The following ANO6 variants were observed in gnomAD, a reference collection of about 807,000 sequenced individuals.
The protein encoded by ANO6 is anoctamin 6.
Under a neutral mutation model 117.5 loss-of-function variants are expected in ANO6, and 106 were observed. The ratio of observed to expected loss-of-function variants is 0.90; its 90% confidence interval spans 0.77 to 1.06. The LOEUF is 1.06. ANO6 is among the 50% of genes least tolerant of loss of function. The probability of loss-of-function intolerance (pLI) is 0.00; values close to 1 mark genes in which losing one functional copy is unlikely to be tolerated. For missense variants in ANO6, 955 were observed against 1,121.1 expected (o/e 0.85, Z 2.12); for synonymous variants, 367 against 385.1 (o/e 0.95, Z 0.55).
chr12:45,360,779 G>C (rs997841788), intron 8 of ANO6, among the ~76,000 whole-genome samples: 4 of 152,130 alleles, frequency 2.6e-5, no homozygotes, highest in Admixed American at 2.6e-4. Flanking sequence ...TAAATGGTAT[G>C]AGATAGGGTC....
chr12:45,216,119 CGA>C lies in ANO6; in HGVS notation c.-199_-198del, dbSNP rs1947304576. Reference sequence around the variant, plus strand: ...CAGTCTCCGGGCTCCGCTCGGCAGGCGAGAGGCGTCCTCCGGCTCTGGGCTCC... The same window carrying C: ...CAGTCTCCGGGCTCCGCTCGGCAGGCGAGGCGTCCTCCGGCTCTGGGCTCC... On this transcript the variant is annotated 5_prime_UTR_variant, in exon 1 of 20. Transcript: ENST00000320560. 2 of 588,696 alleles carry C rather than the reference CGA, an allele frequency of 3.4e-6. No homozygotes were observed. Among genetic ancestry groups the C allele is most frequent in the Non-Finnish European group, 6.0e-6 (2 of 335,136 alleles). 36.5% of individuals were successfully genotyped at this position (588,696 alleles called of 1,614,324 possible).
chr12:45,403,926 A>G (rs1349114384), intron 15 of ANO6, among the ~76,000 whole-genome samples: 1 of 152,134 alleles, frequency 6.6e-6, no homozygotes, highest in Non-Finnish European at 1.5e-5. Flanking sequence ...TTATGCATTT[A>G]AAAGTCAGTA....
intron 19 of ANO6, among the ~76,000 whole-genome samples, chr12:45,426,707 C>T (rs1045481755): frequency 1.3e-5 from 2 of 152,098 alleles, no homozygotes; most frequent in Non-Finnish European, 1.5e-5. Context: ...CGCTTTCCTC[C>T]TGCGTCCCTG....
chr12:45,261,075 C>CT, intron 1 of ANO6, among the ~76,000 whole-genome samples: 1 of 152,148 alleles, frequency 6.6e-6, no homozygotes, highest in Admixed American at 6.5e-5. Context: ...CAGCCTTGGC[C>CT]TCCCCAAATG....
At chr12:45,406,628 C>T (rs200716823) in intron 15 of ANO6, among the ~76,000 whole-genome samples, 2 of 152,082 alleles carry the variant, frequency 1.3e-5, no homozygotes, top group East Asian at 3.9e-4. Flanking sequence ...GAGAAAATGT[C>T]CCTTCTCAGG....
chr12:45,283,613 T>C (rs1450199317), intron 1 of ANO6, among the ~76,000 whole-genome samples: 1 of 152,230 alleles, frequency 6.6e-6, no homozygotes, highest in Non-Finnish European at 1.5e-5. Flanking sequence ...TTTTTTCTAC[T>C]CTGTCTACAT....
intron 1 of ANO6, among the ~76,000 whole-genome samples, chr12:45,227,953 CT>C (rs781311199): frequency 3.4e-4 from 51 of 152,200 alleles, no homozygotes; most frequent in Non-Finnish European, 6.0e-4. Flanking sequence ...TGACAATATT[CT>C]GTTGATGCCA....
intron 17 of ANO6, among the ~76,000 whole-genome samples, chr12:45,420,001 CAGACT>C (rs1943316470): frequency 1.3e-5 from 2 of 151,130 alleles, no homozygotes; most frequent in African/African-American, 2.4e-5. Context: ...GATACTAGAT[CAGACT>C]AAACAGACAT....
rs1941208718 is a variant in ANO6, at chr12:45,348,760, C to T, written c.747+129C>T. ...ATGAAGGGAACATACTGCAAGATTA[C>T]AAGCTCATTTAGGGTAAGAACTAGG... On this transcript the variant is annotated intron_variant, in intron 6 of 19. Transcript: ENST00000320560. 5.3e-6 allele frequency: 4 copies of T among 753,876 alleles called. No homozygotes were observed. The South Asian group carries it at 5.9e-5, about 11-fold the overall frequency. 46.7% of individuals were successfully genotyped at this position (753,876 alleles called of 1,614,324 possible).
intron 1 of ANO6, among the ~76,000 whole-genome samples, chr12:45,284,035 A>G (rs934868177): frequency 6.6e-6 from 1 of 152,258 alleles, no homozygotes; most frequent in Non-Finnish European, 1.5e-5. Context: ...TTATTTGATC[A>G]TAGTTTTAGA....
At chr12:45,409,798 C>G (rs749816230) in intron 16 of ANO6, among the ~76,000 whole-genome samples, 6 of 152,094 alleles carry the variant, frequency 3.9e-5, no homozygotes, top group Non-Finnish European at 8.8e-5. Context: ...CTCTGTAGCC[C>G]AGGCTGGAGT....
Position 45,416,857 on chromosome 12 carries a change from T to C in ANO6, c.2170T>C (p.Trp724Arg). The change falls in exon 17 of 20, where the codon TGG becomes CGG. Residue 724 changes from tryptophan to arginine, a missense_variant. Physicochemically the swap from Trp to Arg is moderately radical, Grantham distance 101. Coordinates refer to ENST00000320560, the MANE Select transcript of ANO6 (RefSeq NM_001025356.3). ...AGAGAAAGCCCAAGACATTGGAGCATGGCAGCCCATCATGCAAGGAATAGC... is the reference window on the plus strand; with the variant it reads ...AGAGAAAGCCCAAGACATTGGAGCACGGCAGCCCATCATGCAAGGAATAGC... Reference protein sequence around the residue: ...VPEKAQDIGAWQPIMQGIAIL... With the variant: ...VPEKAQDIGARQPIMQGIAIL... The C allele has an allele frequency of 6.2e-7, 1 of 1,614,158 alleles. No individual in the cohort carries two copies. The highest frequency in any genetic ancestry group is 8.5e-7 in the Non-Finnish European group (1 of 1,180,008).
intron 1 of ANO6, among the ~76,000 whole-genome samples, chr12:45,231,300 TACTC>T (rs1014366952): frequency 4.6e-5 from 7 of 152,328 alleles, no homozygotes; most frequent in African/African-American, 1.4e-4. Context: ...AAAAATGAAA[TACTC>T]TCTATCTAAT....
rs369239470 is a variant in ANO6, at chr12:45,331,383, G to A, written c.239G>A (p.Arg80Lys). Residue 80 changes from arginine (R) to lysine (K), a missense_variant, in exon 3 of 20, where the codon AGA becomes AAA. Physicochemically the swap from Arg to Lys is conservative, Grantham distance 26. Transcript: ENST00000320560. ...DFVLVYEDES[R>K]KETNKKGTNE... ...GTTCTAGTATATGAGGATGAAAGCA[G>A]AAAAGAGACCAATAAAAAGGGTACA... is the stretch of plus-strand genomic sequence containing the variant. 19 of 1,608,204 alleles carry A rather than the reference G, an allele frequency of 1.2e-5. No homozygotes were observed. Among genetic ancestry groups the A allele is most frequent in the Non-Finnish European group, 1.4e-5 (17 of 1,177,284 alleles).
At chr12:45,304,744 C>T (rs539946952) in intron 2 of ANO6, among the ~76,000 whole-genome samples, 12 of 152,220 alleles carry the variant, frequency 7.9e-5, no homozygotes, top group East Asian at 1.9e-4. Context: ...TCCTTTGAAA[C>T]GAGACCTAAG....
At chr12:45,311,914 G>T (rs529385036) in intron 2 of ANO6, among the ~76,000 whole-genome samples, 1 of 151,986 alleles carries the variant, frequency 6.6e-6, no homozygotes, top group African/African-American at 2.4e-5. Flanking sequence ...TATTTGCATT[G>T]CTCCATTTTA....
At chr12:45,368,662 C>T (rs910497952) in intron 9 of ANO6, among the ~76,000 whole-genome samples, 14 of 152,148 alleles carry the variant, frequency 9.2e-5, no homozygotes, top group African/African-American at 3.1e-4. Context: ...GAGCATTTTC[C>T]TTACAATCCT....
intron 19 of ANO6, among the ~76,000 whole-genome samples, chr12:45,423,304 A>G (rs956289877): frequency 6.6e-6 from 1 of 152,196 alleles, no homozygotes; most frequent in East Asian, 1.9e-4. Context: ...TTCATTACTA[A>G]CTTTTTAAAA....
chr12:45,318,555 T>C (rs1940135116), intron 2 of ANO6, among the ~76,000 whole-genome samples: 1 of 152,286 alleles, frequency 6.6e-6, no homozygotes, highest in African/African-American at 2.4e-5. Flanking sequence ...AGTCAGGTAA[T>C]GTGATGCCTC....
Sources: gnomAD v4.1 joint callset for allele counts (sites outside exome capture counted in the v4.1 genomes callset) on GRCh38, gnomAD v4.1.1 for gene constraint, MANE v1.5 for transcripts, NCBI Gene and HGNC (gene_info 2026-07-23, HGNC 2026-07-21) for gene names.